Variants in CSMD2 observed in about 807,000 individuals in gnomAD.
CSMD2 encodes CUB and Sushi multiple domains 2, also known as CUB and sushi domain-containing protein 2.
CSMD2 carries 130 observed loss-of-function variants against 398.5 expected under a neutral mutation model. The ratio of observed to expected loss-of-function variants is 0.33; its 90% CI spans 0.28 to 0.38. The LOEUF is 0.38. CSMD2 is among the 10% of genes least tolerant of loss of function. The pLI, the probability that CSMD2 is intolerant of heterozygous loss-of-function variation, is 1.00. For synonymous variants in CSMD2, 1,828 were observed against 1,908.5 expected, an observed-to-expected ratio of 0.96 and a Z score of 1.10; for missense variants, 3,829 against 4,764.9, an observed-to-expected ratio of 0.80 and a Z score of 5.78.
At position 33,954,250 on chromosome 1, in the gene CSMD2, T is replaced by C. The variant is rs181259755; in HGVS notation, c.518-18296A>G. 3.2e-3 allele frequency among the ~76,000 whole-genome samples: 485 copies of C among 152,244 alleles called. 1 individual carries two copies. Among genetic ancestry groups the C allele is most frequent in the Middle Eastern group, 6.8e-3 (2 of 294 alleles). On this transcript the variant is annotated intron_variant, in intron 3 of 70. Transcript: ENST00000373381. ...AAATGAACTAACTTGCCCTAGGTCG[T>C]AAACCTTGTAAGTAACAAGCCTGGA... is the stretch of plus-strand genomic sequence containing the variant.
intron 2 of CSMD2, among the ~76,000 whole-genome samples, chr1:34,034,751 G>A (rs1327622440): frequency 6.6e-6 from 1 of 152,060 alleles, no homozygotes; most frequent in African/African-American, 2.4e-5. Context: ...GGCCTTAAAG[G>A]AAAATATTGA....
intron 3 of CSMD2, among the ~76,000 whole-genome samples, chr1:33,943,509 T>A (rs1644743096): frequency 6.6e-6 from 1 of 152,176 alleles, no homozygotes; most frequent in Admixed American, 6.5e-5. Flanking sequence ...GAATCCTGAA[T>A]CTCCTGGCCC....
chr1:33,948,898 T>C (rs750106210), intron 3 of CSMD2, among the ~76,000 whole-genome samples: 2 of 152,158 alleles, frequency 1.3e-5, no homozygotes, highest in African/African-American at 2.4e-5. Context: ...GCTGTCAGGG[T>C]CAGGGAGACA....
rs142740262 is a variant in CSMD2 at position 33,637,273 on chromosome 1, G to A, written c.4775-719C>T. Among the ~76,000 whole-genome samples the A allele has an allele frequency of 4.1e-3, 617 of 152,334 alleles. 6 individuals are homozygous for A. Among genetic ancestry groups the A allele is most frequent in the African/African-American group, 0.013 (552 of 41,578 alleles). On this transcript the variant is annotated intron_variant, in intron 29 of 70. Coordinates refer to ENST00000373381, the MANE Select transcript of CSMD2 (RefSeq NM_001281956.2). ...GGTGGGATAAGTTGATGTCTCCAGTGCAGTTTTCCAGGGCTCTGCACTGGG... is the reference window on the plus strand; with the variant it reads ...GGTGGGATAAGTTGATGTCTCCAGTACAGTTTTCCAGGGCTCTGCACTGGG...
At chr1:33,740,267 C>G (rs541671507) in intron 14 of CSMD2, among the ~76,000 whole-genome samples, 9 of 151,558 alleles carry the variant, frequency 5.9e-5, no homozygotes, top group South Asian at 2.1e-4. Flanking sequence ...CATCACAGTT[C>G]TCTTACTAAA....
chr1:33,798,711 G>A (rs181219403), intron 10 of CSMD2, among the ~76,000 whole-genome samples: 1 of 152,352 alleles, frequency 6.6e-6, no homozygotes, highest in East Asian at 1.9e-4. Context: ...AGTGGAGGCT[G>A]ATGCAGGGTC....
At chr1:33,612,682 GTTTTTT>G (rs36051513) in intron 40 of CSMD2, among the ~76,000 whole-genome samples, 2 of 132,148 alleles carry the variant, frequency 1.5e-5, no homozygotes, top group Non-Finnish European at 3.3e-5. Flanking sequence ...TTTTGTGATG[GTTTTTT>G]TTTTTTTTTT....
chr1:33,572,710 T>C lies in CSMD2; in HGVS notation c.7577-19A>G. 6.3e-7 allele frequency: 1 copy of C among 1,579,738 alleles called. No homozygotes were observed. Among genetic ancestry groups the C allele is most frequent in the South Asian group, 1.1e-5 (1 of 87,320 alleles). ...GAAAGAGCTAGCAAAAGGAAAACAA[T>C]GTCATGAGCATTTGTTTTAAGATGG... On this transcript the variant is annotated intron_variant, in intron 49 of 70. Transcript: ENST00000373381.
chr1:34,113,693 T>C (rs554943790), intron 1 of CSMD2, among the ~76,000 whole-genome samples: 2 of 152,236 alleles, frequency 1.3e-5, no homozygotes, highest in East Asian at 3.9e-4. Flanking sequence ...ACAGAAACAC[T>C]GACTTAACAA....
At chr1:33,917,188 T>C (rs1643770222) in intron 5 of CSMD2, among the ~76,000 whole-genome samples, 1 of 152,174 alleles carries the variant, frequency 6.6e-6, no homozygotes, top group Admixed American at 6.5e-5. Flanking sequence ...GCCAACGCCG[T>C]GACTCCTGCC....
At chr1:33,802,937 C>T (rs772768233) in intron 10 of CSMD2, among the ~76,000 whole-genome samples, 4 of 152,142 alleles carry the variant, frequency 2.6e-5, no homozygotes, top group East Asian at 1.9e-4. Context: ...TGTTCCTTGC[C>T]GGCTACTGCC....
intron 2 of CSMD2, among the ~76,000 whole-genome samples, chr1:34,073,149 C>T (rs890575294): frequency 6.6e-6 from 1 of 152,204 alleles, no homozygotes; most frequent in Non-Finnish European, 1.5e-5. Flanking sequence ...CTTCCTCTGC[C>T]TCCTTATTAA....
intron 1 of CSMD2, among the ~76,000 whole-genome samples, chr1:34,149,307 G>C (rs992326837): frequency 6.6e-6 from 1 of 152,134 alleles, no homozygotes; most frequent in Non-Finnish European, 1.5e-5. Flanking sequence ...GGGAGAAAGT[G>C]AAGGCTGGAC....
intron 33 of CSMD2, 108 bp downstream of exon 33, chr1:33,626,378 C>T: frequency 1.4e-6 from 1 of 699,496 alleles, no homozygotes; most frequent in East Asian, 3.0e-5. Context: ...CCCCAAACAC[C>T]CTGAGAAAGG....
chr1:33,749,792 C>T (rs1440579801), intron 13 of CSMD2, among the ~76,000 whole-genome samples: 2 of 151,934 alleles, frequency 1.3e-5, no homozygotes, highest in African/African-American at 4.8e-5. Flanking sequence ...TTTGAATTAC[C>T]AAAATTAGCA....
At chr1:33,597,735 C>G (rs548184336) in intron 44 of CSMD2, among the ~76,000 whole-genome samples, 1 of 152,328 alleles carries the variant, frequency 6.6e-6, no homozygotes, top group African/African-American at 2.4e-5. Context: ...TACAACCTCA[C>G]AACTCCACAC....
chr1:33,605,925 C>G, intron 41 of CSMD2: 2 of 1,613,504 alleles, frequency 1.2e-6, no homozygotes, highest in South Asian at 1.1e-5. Flanking sequence ...TGAGTTGGTT[C>G]TTTCCAACTC....
chr1:33,659,745 A>G (rs1431222090), intron 26 of CSMD2, among the ~76,000 whole-genome samples: 1 of 152,120 alleles, frequency 6.6e-6, no homozygotes, highest in African/African-American at 2.4e-5. Context: ...ACTAATTATA[A>G]CCTCTGGGAT....
rs374803445 is a variant in CSMD2 at position 33,586,487 on chromosome 1, C to G, written c.7051+17G>C. The G allele has an allele frequency of 1.3e-6, 2 of 1,532,718 alleles. No individual in the cohort carries two copies. The highest frequency in any genetic ancestry group is 9.0e-7 in the Non-Finnish European group (1 of 1,106,560). 94.9% of individuals were successfully genotyped at this position (1,532,718 alleles called of 1,614,324 possible). On this transcript the variant is annotated intron_variant, in intron 46 of 70. Transcript: ENST00000373381. ...GGAACTTCTAGGCCCCATACAGATG[C>G]GGCTCCATGCAATTACCTTCACATA...
Sources: gnomAD v4.1 joint callset for allele counts (sites outside exome capture counted in the v4.1 genomes callset) on GRCh38, gnomAD v4.1.1 for gene constraint, MANE v1.5 for transcripts, NCBI Gene and HGNC (gene_info 2026-07-23, HGNC 2026-07-21) for gene names.